The following PLEKHG1 variants were observed in gnomAD, a reference collection of about 807,000 sequenced individuals.
PLEKHG1 encodes the protein pleckstrin homology domain-containing family G member 1.
In PLEKHG1, 44 loss-of-function variants were observed where a neutral mutation model predicts 100.8. The ratio of observed to expected loss-of-function variants is 0.44; its 90% CI spans 0.34 to 0.56. The LOEUF (loss-of-function observed/expected upper bound fraction) is 0.56. Ranked by LOEUF, PLEKHG1 falls within the 20% of genes least tolerant of loss-of-function variation. PLEKHG1 has a pLI of 0.01. For missense variants in PLEKHG1, 1,545 were observed against 1,720.9 expected (o/e 0.90, Z 1.81); for synonymous variants, 640 against 662.5 (o/e 0.97, Z 0.52).
exon 2 of PLEKHG1, chr6:150,733,645 G>C (rs766739764): frequency 6.2e-7 from 1 of 1,613,880 alleles, no homozygotes; most frequent in African/African-American, 1.3e-5. Context: ...ATCCCAAGAC[G>C]ACAGCCAGGC....
At chr6:150,823,786 AT>A in intron 14 of PLEKHG1, 110 bp downstream of exon 15, 2 of 746,668 alleles carry the variant, frequency 2.7e-6, no homozygotes, top group Non-Finnish European at 2.3e-6. Flanking sequence ...GTCAACAGTT[AT>A]TTTACATTTT....
At chr6:150,640,397 C>T (rs377237925) in intron 2 of PLEKHG1, among the ~76,000 whole-genome samples, 5 of 152,330 alleles carry the variant, frequency 3.3e-5, no homozygotes, top group African/African-American at 1.2e-4. Context: ...CTACCAAGAA[C>T]CATCATGTTC....
chr6:150,829,625 T>G (rs1320996882), intron 14 of PLEKHG1, among the ~76,000 whole-genome samples: 1 of 152,098 alleles, frequency 6.6e-6, no homozygotes, highest in East Asian at 1.9e-4. Context: ...CGAGATTCTG[T>G]GTCAAAAAAA....
intron 2 of PLEKHG1, among the ~76,000 whole-genome samples, chr6:150,743,427 G>A (rs376204808): frequency 4.6e-5 from 7 of 152,310 alleles, no homozygotes; most frequent in Middle Eastern, 3.4e-3. Context: ...TCAGGAGGCT[G>A]AGGCAGGAGA....
intron 3 of PLEKHG1, among the ~76,000 whole-genome samples, chr6:150,659,967 G>A (rs1298898589): frequency 5.9e-5 from 9 of 152,074 alleles, no homozygotes; most frequent in Admixed American, 3.3e-4. Context: ...AACTTCACAC[G>A]CATTCATAAG....
intron 7 of PLEKHG1, among the ~76,000 whole-genome samples, chr6:150,805,267 A>C (rs927242741): frequency 2.6e-5 from 4 of 152,202 alleles, no homozygotes; most frequent in Non-Finnish European, 5.9e-5. Context: ...TTGTTTGCTT[A>C]TAGCCCCTTT....
chr6:150,659,290 A>AT lies in PLEKHG1; in HGVS notation c.-99+8514dup, dbSNP rs552343687. Among the ~76,000 whole-genome samples, 1,091 of 149,140 alleles carry AT rather than the reference A, an allele frequency of 7.3e-3. 11 individuals are homozygous for AT. The highest frequency in any genetic ancestry group is 0.024 in the African/African-American group (986 of 40,624). On this transcript the variant is annotated intron_variant, in intron 3 of 3. Coordinates refer to the PLEKHG1 transcript ENST00000367326. ...TTGCTTGCTCTGTAAGCTCCAAGGC[A>AT]TTTTTTTTTTCAGTTTTAATTCAAG...
chr6:150,739,309 T>C (rs1782727343), intron 2 of PLEKHG1, among the ~76,000 whole-genome samples: 1 of 152,130 alleles, frequency 6.6e-6, no homozygotes, highest in Non-Finnish European at 1.5e-5. Flanking sequence ...CTCTTTCCAT[T>C]ATATGCCAGA....
rs111512062 is a variant in PLEKHG1 at position 150,800,644 on chromosome 6, T to C, written c.630-75T>C. On this transcript the variant is annotated intron_variant, in intron 5 of 15. Transcript: ENST00000358517. ...CCTACTCATTTTAGGGCATTTACAC[T>C]TGCAATAGCATTTAAAATTTGAATA... 945 of 1,398,080 alleles carry C rather than the reference T, an allele frequency of 6.8e-4. 1 individual carries two copies. Among genetic ancestry groups the C allele is most frequent in the East Asian group, 6.2e-3 (271 of 43,614 alleles). 86.6% of individuals were successfully genotyped at this position (1,398,080 alleles called of 1,614,324 possible).
chr6:150,622,171 T>C (rs763203638), intron 1 of PLEKHG1, among the ~76,000 whole-genome samples: 6 of 152,132 alleles, frequency 3.9e-5, no homozygotes, highest in Non-Finnish European at 5.9e-5. Flanking sequence ...GGGTCTCAGA[T>C]GTATATAATT....
rs1461928867 is a variant in PLEKHG1, at chr6:150,765,753, C to G, written c.412-2885C>G. 3.3e-5 allele frequency among the ~76,000 whole-genome samples: 5 copies of G among 152,046 alleles called. No individual in the cohort carries two copies. The East Asian group carries it at 9.7e-4, about 29-fold the overall frequency. ...CACACACCGATTCTTTTGTAAAATA[C>G]AATTTAAAAAAGAATACTAGAAAAG... On this transcript the variant is annotated intron_variant, in intron 2 of 15. Transcript: ENST00000358517.
chr6:150,818,624 T>C (rs1263911339), intron 11 of PLEKHG1, among the ~76,000 whole-genome samples: 2 of 152,244 alleles, frequency 1.3e-5, no homozygotes, highest in African/African-American at 4.8e-5. Context: ...GTTTTCCTGA[T>C]GCAGCAGAAA....
At chr6:150,722,414 C>T (rs1319729162) in intron 1 of PLEKHG1, among the ~76,000 whole-genome samples, 1 of 143,088 alleles carries the variant, frequency 7.0e-6, no homozygotes, top group Non-Finnish European at 1.5e-5. Context: ...AGTGCAGTGG[C>T]ACGATCTTGG....
At chr6:150,640,642 T>C (rs1172102886) in intron 2 of PLEKHG1, among the ~76,000 whole-genome samples, 3 of 152,190 alleles carry the variant, frequency 2.0e-5, no homozygotes, top group Non-Finnish European at 4.4e-5. Flanking sequence ...TTCCCTCCTC[T>C]CAGGCCTTGT....
At chr6:150,824,565 A>T (rs1312462148) in intron 14 of PLEKHG1, among the ~76,000 whole-genome samples, 1 of 150,762 alleles carries the variant, frequency 6.6e-6, no homozygotes, top group Non-Finnish European at 1.5e-5. Flanking sequence ...TCTGTTGCCC[A>T]GGCTGGAGTG....
chr6:150,659,540 C>T lies in PLEKHG1; in HGVS notation c.-99+8754C>T, dbSNP rs555259943. Among the ~76,000 whole-genome samples, 3 of 152,318 alleles carry T rather than the reference C, an allele frequency of 2.0e-5. No homozygotes were observed. In the East Asian group the frequency reaches 5.8e-4, roughly 29 times the overall value. On this transcript the variant is annotated intron_variant, in intron 3 of 3. Transcript: ENST00000367326. The stretch of plus-strand genomic sequence containing the variant: ...TTGTGGATATCAGAGCATATGTATA[C>T]AATGCCTGCCATAGTGAGTGCCTGG...
At chr6:150,733,667 C>T (rs780626348) in exon 2 of PLEKHG1, 1 of 1,614,166 alleles carries the variant, frequency 6.2e-7, no homozygotes, top group Non-Finnish European at 8.5e-7. Context: ...TTCCTGCCCT[C>T]AAGAACTGAA....
intron 3 of PLEKHG1, among the ~76,000 whole-genome samples, chr6:150,661,799 T>C (rs1205749550): frequency 6.6e-6 from 1 of 152,230 alleles, no homozygotes; most frequent in East Asian, 1.9e-4. Context: ...GGGAGCTTCA[T>C]GTGTATATCA....
At chr6:150,640,092 A>G (rs1412837944) in intron 2 of PLEKHG1, among the ~76,000 whole-genome samples, 1 of 152,248 alleles carries the variant, frequency 6.6e-6, no homozygotes, top group African/African-American at 2.4e-5. Flanking sequence ...CTTTCCCTGT[A>G]GGGTTACCCA....
Sources: allele counts gnomAD v4.1 joint callset (sites outside exome capture counted in the v4.1 genomes callset), GRCh38; gene constraint gnomAD v4.1.1; transcripts MANE v1.5; gene names NCBI Gene and HGNC (gene_info 2026-07-23, HGNC 2026-07-21).